Variants in ADGRB3 observed in about 807,000 individuals in gnomAD.
ADGRB3 encodes the protein adhesion G protein-coupled receptor B3.
A neutral mutation model predicts 193.4 loss-of-function variants in ADGRB3; 37 were observed. The ratio of observed to expected loss-of-function variants is 0.19; its 90% CI spans 0.15 to 0.25. ADGRB3 has a LOEUF of 0.25. Ranked by LOEUF, ADGRB3 falls within the 10% of genes least tolerant of loss-of-function variation. The pLI, the probability that ADGRB3 is intolerant of heterozygous loss-of-function variation, is 1.00. For missense variants in ADGRB3, 1,637 were observed against 1,852.9 expected, an observed-to-expected ratio of 0.88 and a Z score of 2.14; for synonymous variants, 690 against 644.2, an observed-to-expected ratio of 1.07 and a Z score of -1.08.
At chr6:68,930,246 CTG>C (rs1346215389) in intron 3 of ADGRB3, among the ~76,000 whole-genome samples, 2 of 152,012 alleles carry the variant, frequency 1.3e-5, no homozygotes, top group East Asian at 1.9e-4. Context: ...ACAGTTAACA[CTG>C]TGGTTGTATT....
At chr6:68,933,100 CATATA>C (rs1234678454) in intron 4 of ADGRB3, among the ~76,000 whole-genome samples, 5 of 150,232 alleles carry the variant, frequency 3.3e-5, no homozygotes, top group African/African-American at 2.4e-5. Context: ...TAAATGATAT[CATATA>C]ATATATATAT....
At chr6:69,063,103 TG>T in intron 16 of ADGRB3, 67 bp downstream of exon 16, 1 of 1,170,632 alleles carries the variant, frequency 8.5e-7, no homozygotes, top group Non-Finnish European at 1.3e-6. Flanking sequence ...TTCTTTCAAC[TG>T]ATAACACCAG....
At chr6:68,923,356 A>G (rs1767097252) in intron 3 of ADGRB3, among the ~76,000 whole-genome samples, 1 of 152,032 alleles carries the variant, frequency 6.6e-6, no homozygotes, top group Non-Finnish European at 1.5e-5. Context: ...AGATCTTTCA[A>G]CTCAATTGAT....
rs116051209 is a variant in ADGRB3, at chr6:68,837,928, G to A, written c.758-92631G>A. ...TTATCTCAAGCTGAGCTATAAGAAA[G>A]CCCATCAAAGTTAACTTCCAAGGCA... On this transcript the variant is annotated intron_variant, in intron 3 of 31. Coordinates refer to ENST00000370598, the MANE Select transcript of ADGRB3 (RefSeq NM_001704.3). Among the ~76,000 whole-genome samples the A allele has an allele frequency of 3.4e-3, 514 of 152,254 alleles. 4 individuals are homozygous for A. The highest frequency in any genetic ancestry group is 0.011 in the African/African-American group (447 of 41,556).
chr6:69,119,837 G>A (rs1045757799), intron 17 of ADGRB3, among the ~76,000 whole-genome samples: 1 of 152,098 alleles, frequency 6.6e-6, no homozygotes. Context: ...GTCATTTCAG[G>A]GTTTTGAGCA....
chr6:69,084,641 G>C (rs1298564357), intron 17 of ADGRB3, among the ~76,000 whole-genome samples: 1 of 152,040 alleles, frequency 6.6e-6, no homozygotes, highest in Non-Finnish European at 1.5e-5. Context: ...CAGTTTGTCA[G>C]TAAACATTTT....
intron 11 of ADGRB3, among the ~76,000 whole-genome samples, chr6:69,004,530 A>T (rs900216788): frequency 6.6e-6 from 1 of 150,882 alleles, no homozygotes; most frequent in East Asian, 2.0e-4. Flanking sequence ...AGTCATTTAC[A>T]TTAGGTGTTT....
In ADGRB3 at chr6:69,227,603, A is replaced by G. The variant is rs540092478; in HGVS notation, c.2481-5687A>G. On this transcript the variant is annotated intron_variant, in intron 17 of 31. Transcript: ENST00000370598. The stretch of plus-strand genomic sequence containing the variant: ...GTAGAACTGATTAGGCAGAAAACAT[A>G]TTATTAGATTGTGTATAGTCATCTG... Among the ~76,000 whole-genome samples, 10 of 152,322 alleles carry G rather than the reference A, an allele frequency of 6.6e-5. No individual in the cohort carries two copies. The South Asian group carries it at 1.9e-3, about 28-fold the overall frequency.
chr6:68,652,969 A>G (rs1370465913), intron 3 of ADGRB3, among the ~76,000 whole-genome samples: 2 of 152,056 alleles, frequency 1.3e-5, no homozygotes, highest in African/African-American at 2.4e-5. Flanking sequence ...GACTCCTACC[A>G]TTCTGGGTTT....
intron 3 of ADGRB3, among the ~76,000 whole-genome samples, chr6:68,715,377 G>T (rs1260597670): frequency 1.3e-5 from 2 of 151,540 alleles, no homozygotes; most frequent in Non-Finnish European, 3.0e-5. Context: ...CCAAGTATCT[G>T]TGATATCTTT....
intron 3 of ADGRB3, among the ~76,000 whole-genome samples, chr6:68,773,857 C>T (rs754984714): frequency 6.6e-6 from 1 of 151,988 alleles, no homozygotes; most frequent in Non-Finnish European, 1.5e-5. Flanking sequence ...AGAAGAAAGG[C>T]TCCTTGAGAA....
chr6:69,340,697 T>A (rs576789422), intron 26 of ADGRB3, among the ~76,000 whole-genome samples: 2 of 152,238 alleles, frequency 1.3e-5, no homozygotes, highest in South Asian at 4.2e-4. Flanking sequence ...ACATGTGCCA[T>A]GGTGGTTTGC....
At chr6:69,003,105 G>A (rs147009563) in intron 11 of ADGRB3, among the ~76,000 whole-genome samples, 3 of 152,240 alleles carry the variant, frequency 2.0e-5, no homozygotes, top group African/African-American at 4.8e-5. Flanking sequence ...TCATGTGAGG[G>A]TTAAACTTTC....
intron 3 of ADGRB3, among the ~76,000 whole-genome samples, chr6:68,741,189 G>A (rs2024562): frequency 0.75 from 113,552 of 151,960 alleles, 42,694 homozygotes; most frequent in Middle Eastern, 0.9. Flanking sequence ...TATTACAAGT[G>A]TTTACATTTG....
chr6:68,989,661 A>G (rs977057418), intron 10 of ADGRB3, among the ~76,000 whole-genome samples: 9 of 152,184 alleles, frequency 5.9e-5, no homozygotes, highest in African/African-American at 1.4e-4. Context: ...AGAGAGTTAA[A>G]TAATTTTTTC....
chr6:69,225,644 A>G (rs930997053), intron 17 of ADGRB3, among the ~76,000 whole-genome samples: 7 of 152,164 alleles, frequency 4.6e-5, no homozygotes, highest in Admixed American at 2.0e-4. Flanking sequence ...GCATGGCTAT[A>G]TTACAGAAAT....
intron 20 of ADGRB3, among the ~76,000 whole-genome samples, chr6:69,258,736 C>A (rs1198631357): frequency 6.6e-6 from 1 of 152,048 alleles, no homozygotes; most frequent in East Asian, 1.9e-4. Context: ...GTAGTGGTTC[C>A]CAACAAGAGT....
intron 3 of ADGRB3, among the ~76,000 whole-genome samples, chr6:68,736,221 G>A (rs1765868581): frequency 6.6e-6 from 1 of 151,536 alleles, no homozygotes; most frequent in African/African-American, 2.4e-5. Flanking sequence ...GTCTCTCTTT[G>A]TTGCCCAGGC....
intron 3 of ADGRB3, among the ~76,000 whole-genome samples, chr6:68,650,142 G>T (rs946858796): frequency 1.3e-5 from 2 of 152,126 alleles, no homozygotes; most frequent in African/African-American, 4.8e-5. Context: ...GTTTTATATT[G>T]TGGTCCTTCC....
Sources: allele counts gnomAD v4.1 joint callset (sites outside exome capture counted in the v4.1 genomes callset), GRCh38; gene constraint gnomAD v4.1.1; transcripts MANE v1.5; gene names NCBI Gene and HGNC (gene_info 2026-07-23, HGNC 2026-07-21).